The following KLF8 variants were observed in gnomAD, a reference collection of about 807,000 sequenced individuals.
KLF8 encodes KLF transcription factor 8, also known as Krueppel-like factor 8.
A neutral mutation model predicts 18.2 loss-of-function variants in KLF8; 10 were observed. The observed-to-expected ratio is 0.55, with a 90% CI of 0.34 to 0.93. The LOEUF is 0.93. KLF8 is among the 40% of genes least tolerant of loss of function. The pLI, the probability that KLF8 is intolerant of heterozygous loss-of-function variation, is 0.02. For synonymous variants in KLF8, 109 were observed against 97.3 expected (o/e 1.12, Z -0.71); for missense variants, 264 against 277.9 (o/e 0.95, Z 0.36).
chrX:56,017,984 A>G, the KLF8 span, among the ~76,000 whole-genome samples: 1 of 112,104 alleles, frequency 8.9e-6, no homozygotes, highest in Non-Finnish European at 1.9e-5. Flanking sequence ...ATGATCAAAT[A>G]TGGGTAATTG....
the KLF8 span, among the ~76,000 whole-genome samples, chrX:56,133,382 A>T: frequency 1.7e-4 from 19 of 112,119 alleles, no homozygotes; most frequent in Non-Finnish European, 5.6e-5. Context: ...AATAAATTTG[A>T]TACACCACGT....
chrX:55,956,147 ATCTATCTATCT>A, the KLF8 span, among the ~76,000 whole-genome samples: 1 of 99,762 alleles, frequency 1.0e-5, no homozygotes, highest in African/African-American at 4.6e-5. Flanking sequence ...CTATCTATCT[ATCTATCTATCT>A]ATCTATCTAT....
chrX:56,049,499 G>A, the KLF8 span, among the ~76,000 whole-genome samples: 2 of 108,787 alleles, frequency 1.8e-5, no homozygotes, highest in Non-Finnish European at 3.8e-5. Context: ...TTTGTCAAAG[G>A]CTTTTTCTGC....
chrX:56,158,795 A>G, the KLF8 span, among the ~76,000 whole-genome samples: 1 of 111,778 alleles, frequency 8.9e-6, no homozygotes, highest in African/African-American at 3.3e-5. Flanking sequence ...GGCTGAGACA[A>G]TGGGGTTTTC....
intron 5 of KLF8, among the ~76,000 whole-genome samples, chrX:56,279,207 A>G (rs2067164128): frequency 9.0e-6 from 1 of 111,111 alleles, no homozygotes; most frequent in Admixed American, 9.6e-5. Flanking sequence ...TTTCATTCTT[A>G]TGAAGGTCCT....
the KLF8 span, among the ~76,000 whole-genome samples, chrX:56,194,354 C>T: frequency 8.9e-6 from 1 of 111,757 alleles, no homozygotes; most frequent in Non-Finnish European, 1.9e-5. Context: ...CGGGACACTC[C>T]CACCCCAATA....
chrX:56,127,209 CCTAA>C, the KLF8 span, among the ~76,000 whole-genome samples: 1 of 111,326 alleles, frequency 9.0e-6, no homozygotes, highest in African/African-American at 3.3e-5. Context: ...GTCCATTTTC[CCTAA>C]CTAAAATTTA....
At chrX:55,961,953 T>C in the KLF8 span, 3 of 185,630 alleles carry the variant, frequency 1.6e-5, no homozygotes, top group Non-Finnish European at 3.0e-5. Context: ...GTGATGATTG[T>C]AACAAGGATG....
At chrX:56,017,186 C>T in the KLF8 span, among the ~76,000 whole-genome samples, 4 of 112,143 alleles carry the variant, frequency 3.6e-5, no homozygotes, top group Non-Finnish European at 7.5e-5. Flanking sequence ...ATTAATTTTT[C>T]CCTGTAACGC....
the KLF8 span, among the ~76,000 whole-genome samples, chrX:56,076,653 C>T: frequency 9.0e-6 from 1 of 111,444 alleles, no homozygotes; most frequent in Non-Finnish European, 1.9e-5. Flanking sequence ...CGGGTATATA[C>T]CCAGTAATGG....
At chrX:55,920,842 CAT>C in the KLF8 span, among the ~76,000 whole-genome samples, 1 of 111,945 alleles carries the variant, frequency 8.9e-6, no homozygotes, top group Non-Finnish European at 1.9e-5. Context: ...GTTTGAAAAA[CAT>C]ATTTGAGGGA....
chrX:56,210,302 C>T, the KLF8 span, among the ~76,000 whole-genome samples: 1 of 111,839 alleles, frequency 8.9e-6, no homozygotes, highest in Non-Finnish European at 1.9e-5. Context: ...GATACTTTCA[C>T]TAGATATGCT....
chrX:56,073,209 G>T, the KLF8 span, among the ~76,000 whole-genome samples: 1 of 110,782 alleles, frequency 9.0e-6, no homozygotes, highest in Non-Finnish European at 1.9e-5. Flanking sequence ...GGATGGTCTT[G>T]ATCTCCTGAC....
At chrX:56,072,078 C>A in the KLF8 span, among the ~76,000 whole-genome samples, 1 of 111,573 alleles carries the variant, frequency 9.0e-6, no homozygotes, top group East Asian at 2.8e-4. Context: ...TGGACAGTTA[C>A]ATTATTACAA....
At chrX:56,045,381 C>CT in the KLF8 span, among the ~76,000 whole-genome samples, 2 of 109,981 alleles carry the variant, frequency 1.8e-5, no homozygotes, top group Non-Finnish European at 1.9e-5. Context: ...CCTATGAAAA[C>CT]TTTTTTTTTC....
At chrX:56,218,060 T>C in the KLF8 span, among the ~76,000 whole-genome samples, 1 of 111,277 alleles carries the variant, frequency 9.0e-6, no homozygotes, top group Non-Finnish European at 1.9e-5. Flanking sequence ...GGCAGAATCA[T>C]TTGACTTGTT....
the KLF8 span, among the ~76,000 whole-genome samples, chrX:56,157,952 T>G: frequency 8.9e-6 from 1 of 112,226 alleles, no homozygotes; most frequent in South Asian, 3.7e-4. Flanking sequence ...GTTTTAGACA[T>G]GAAGTCCTTC....
At chrX:56,135,701 A>T in the KLF8 span, among the ~76,000 whole-genome samples, 1 of 111,437 alleles carries the variant, frequency 9.0e-6, no homozygotes, top group Non-Finnish European at 1.9e-5. Flanking sequence ...AAAGTATAAA[A>T]ATAATAAAAT....
chrX:55,946,561 A>C, the KLF8 span, among the ~76,000 whole-genome samples: 13 of 111,880 alleles, frequency 1.2e-4, no homozygotes, highest in East Asian at 3.6e-3. Context: ...ATTACCATTC[A>C]GGACATAGGC....
Sources: allele counts gnomAD v4.1 joint callset (sites outside exome capture counted in the v4.1 genomes callset), GRCh38; gene constraint gnomAD v4.1.1; transcripts MANE v1.5; gene names NCBI Gene and HGNC (gene_info 2026-07-23, HGNC 2026-07-21).